Variants in CAPS2 observed in about 807,000 individuals in gnomAD.
The protein encoded by CAPS2 is calcyphosine 2, also known as calcyphosin-2.
A neutral mutation model predicts 86.5 loss-of-function variants in CAPS2; 98 were observed. The ratio of observed to expected loss-of-function variants is 1.13; its 90% CI spans 0.96 to 1.34. CAPS2 has a LOEUF of 1.34. CAPS2 is among the 40% of genes most tolerant of loss of function. The pLI is 0.00. For missense variants in CAPS2, 729 were observed against 686.8 expected (o/e 1.06, Z -0.69); for synonymous variants, 210 against 225.1 (o/e 0.93, Z 0.60).
intron 7 of CAPS2, chr12:75,305,317 CT>C (rs2038319888): frequency 3.7e-6 from 1 of 273,518 alleles, no homozygotes; most frequent in African/African-American, 2.2e-5. Context: ...GAAAGGCATC[CT>C]AGAAGAGGAG....
intron 12 of CAPS2, among the ~76,000 whole-genome samples, chr12:75,292,945 T>A (rs1225996120): frequency 1.3e-5 from 2 of 151,594 alleles, no homozygotes; most frequent in Non-Finnish European, 2.9e-5. Flanking sequence ...TATCCTTTTT[T>A]AAATTTATTT....
chr12:75,334,628 G>A (rs545068613), upstream of CAPS2: 389 of 1,532,374 alleles, frequency 2.5e-4, 4 homozygotes, highest in South Asian at 4.2e-3. Context: ...GCAGGATGGA[G>A]CCAAGGGAGA....
At chr12:75,294,179 C>T (rs1412324844) in intron 11 of CAPS2, among the ~76,000 whole-genome samples, 3 of 152,058 alleles carry the variant, frequency 2.0e-5, no homozygotes, top group African/African-American at 4.8e-5. Context: ...CTCCTGACCT[C>T]GTGATCCACT....
At position 75,291,901 on chromosome 12, in the gene CAPS2, C is replaced by T. The variant is rs555552735; in HGVS notation, c.1164-81G>A. 14 of 520,946 alleles carry T rather than the reference C, an allele frequency of 2.7e-5. No homozygotes were observed. The South Asian group carries it at 6.2e-4, about 23-fold the overall frequency. 32.3% of individuals were successfully genotyped at this position (520,946 alleles called of 1,614,324 possible). A position where few individuals can be genotyped will look rare whatever the true frequency, so the allele number is the denominator to read the frequency against. The stretch of plus-strand genomic sequence containing the variant: ...TGAGTATAAAACCTCTAAGCTCTTC[C>T]CTGCTCCAGACTCAAAGAAGCTCTC... On this transcript the variant is annotated intron_variant, in intron 12 of 16. Coordinates refer to ENST00000393284, the Ensembl canonical transcript of CAPS2.
chr12:75,305,002 T>G (rs1424995635), intron 7 of CAPS2, 126 bp from the exon 8 acceptor site: 1 of 602,576 alleles, frequency 1.7e-6, no homozygotes, highest in Non-Finnish European at 2.6e-6. Flanking sequence ...TCAGAATATT[T>G]TTATTAAATA....
chr12:75,369,998 A>C, intron 1 of CAPS2: 1 of 1,118,198 alleles, frequency 8.9e-7, no homozygotes, highest in Non-Finnish European at 1.3e-6. Context: ...TATGTATCAA[A>C]ATATTTTAGT....
chr12:75,297,367 T>G (rs2037085659), intron 11 of CAPS2, among the ~76,000 whole-genome samples: 1 of 152,192 alleles, frequency 6.6e-6, no homozygotes, highest in African/African-American at 2.4e-5. Context: ...ATGTAAAATT[T>G]TTCCTCAACC....
chr12:75,283,287 G>A (rs752832291), intron 15 of CAPS2, among the ~76,000 whole-genome samples: 2 of 152,088 alleles, frequency 1.3e-5, no homozygotes, highest in East Asian at 1.9e-4. Context: ...TTCTGCATTC[G>A]TAGTGGGGTC....
chr12:75,293,852 T>C (rs1041349667), intron 11 of CAPS2, among the ~76,000 whole-genome samples: 3 of 152,248 alleles, frequency 2.0e-5, no homozygotes, highest in Non-Finnish European at 4.4e-5. Flanking sequence ...CAAAAAATCT[T>C]ATTCTAAACT....
intron 7 of CAPS2, among the ~76,000 whole-genome samples, chr12:75,312,060 T>C (rs1183276203): frequency 6.6e-6 from 1 of 152,198 alleles, no homozygotes; most frequent in Non-Finnish European, 1.5e-5. Flanking sequence ...ACTTTTTCCT[T>C]GAAGTAGATT....
intron 1 of CAPS2, among the ~76,000 whole-genome samples, chr12:75,388,838 A>C (rs955703250): frequency 6.6e-6 from 1 of 152,010 alleles, no homozygotes; most frequent in African/African-American, 2.4e-5. Flanking sequence ...TAAATGTACT[A>C]CTCTGTTGTG....
chr12:75,367,843 T>A (rs1282523032), intron 1 of CAPS2, among the ~76,000 whole-genome samples: 1 of 152,190 alleles, frequency 6.6e-6, no homozygotes. Context: ...ATGTTGAGCA[T>A]AAGCTGTAAC....
intron 7 of CAPS2, among the ~76,000 whole-genome samples, chr12:75,311,281 A>G (rs2039134079): frequency 6.6e-6 from 1 of 152,178 alleles, no homozygotes; most frequent in Non-Finnish European, 1.5e-5. Flanking sequence ...GTGGCAGCAG[A>G]GGGAGTAAAT....
At chr12:75,296,474 A>G (rs1391463339) in intron 11 of CAPS2, among the ~76,000 whole-genome samples, 1 of 152,064 alleles carries the variant, frequency 6.6e-6, no homozygotes, top group Non-Finnish European at 1.5e-5. Context: ...TTGTATTTTT[A>G]GTAGAGACGG....
intron 1 of CAPS2, among the ~76,000 whole-genome samples, chr12:75,372,343 C>A (rs550963735): frequency 6.6e-6 from 1 of 152,246 alleles, no homozygotes; most frequent in African/African-American, 2.4e-5. Context: ...AAGTCAATCA[C>A]CCCAGCCAAC....
chr12:75,294,180 G>C (rs980632916), intron 11 of CAPS2, among the ~76,000 whole-genome samples: 1 of 151,980 alleles, frequency 6.6e-6, no homozygotes, highest in Admixed American at 6.6e-5. Flanking sequence ...TCCTGACCTC[G>C]TGATCCACTT....
At chr12:75,383,934 G>GA (rs2045141560) in intron 1 of CAPS2, among the ~76,000 whole-genome samples, 2 of 151,884 alleles carry the variant, frequency 1.3e-5, no homozygotes, top group African/African-American at 2.4e-5. Context: ...ATGGTCCAAA[G>GA]AAAAAATCTC....
intron 1 of CAPS2, among the ~76,000 whole-genome samples, chr12:75,354,543 AT>A (rs2043025138): frequency 6.6e-6 from 1 of 152,236 alleles, no homozygotes; most frequent in African/African-American, 2.4e-5. Context: ...TATCGTGAAA[AT>A]GGCCATACTG....
intron 11 of CAPS2, among the ~76,000 whole-genome samples, chr12:75,295,816 T>C (rs1379280409): frequency 6.6e-6 from 1 of 152,168 alleles, no homozygotes; most frequent in Non-Finnish European, 1.5e-5. Context: ...TTTGGACTCT[T>C]TCAGTCTTTA....
Sources: gnomAD v4.1 joint callset for allele counts (sites outside exome capture counted in the v4.1 genomes callset) on GRCh38, gnomAD v4.1.1 for gene constraint, MANE v1.5 for transcripts, NCBI Gene and HGNC (gene_info 2026-07-23, HGNC 2026-07-21) for gene names.